Variants in CC2D2B observed in about 807,000 individuals in gnomAD.
CC2D2B encodes the protein coiled-coil and C2 domain containing 2B.
Under a neutral mutation model 161.2 loss-of-function variants are expected in CC2D2B, and 128 were observed. That is an observed-to-expected ratio of 0.79 (90% CI 0.69 to 0.92). The LOEUF (loss-of-function observed/expected upper bound fraction) is 0.92. Among genes scored for constraint, CC2D2B ranks in the 40% least tolerant of loss-of-function variants. The pLI, the probability that CC2D2B is intolerant of heterozygous loss-of-function variation, is 0.00. For synonymous variants in CC2D2B, 391 were observed against 449.8 expected, an observed-to-expected ratio of 0.87 and a Z score of 1.65; for missense variants, 1,173 against 1,375.1, an observed-to-expected ratio of 0.85 and a Z score of 2.32.
At chr10:95,955,588 A>G (rs2076543390) in intron 11 of CC2D2B, 97 bp downstream of exon 11, 1 of 394,128 alleles carries the variant, frequency 2.5e-6, no homozygotes, top group East Asian at 3.6e-5. Flanking sequence ...AAAGTACACA[A>G]TCCTTACTTT....
chr10:95,946,063 C>G (rs1031841125), intron 9 of CC2D2B, among the ~76,000 whole-genome samples: 1 of 152,064 alleles, frequency 6.6e-6, no homozygotes, highest in Non-Finnish European at 1.5e-5. Flanking sequence ...GGATTACAGG[C>G]GTGAGCCACC....
chr10:95,928,564 C>G (rs115561396), intron 6 of CC2D2B, among the ~76,000 whole-genome samples: 1 of 152,274 alleles, frequency 6.6e-6, no homozygotes, highest in African/African-American at 2.4e-5. Flanking sequence ...CCCTCGCCCC[C>G]ACCCCCTGAC....
At chr10:96,000,279 CG>C in intron 24 of CC2D2B, 1 of 1,040,442 alleles carries the variant, frequency 9.6e-7, no homozygotes, top group Non-Finnish European at 1.2e-6. Flanking sequence ...CTGCTCCAGC[CG>C]AAAGGATACT....
chr10:95,938,788 T>A lies in CC2D2B; in HGVS notation c.673-9T>A. On this transcript the variant is annotated splice_polypyrimidine_tract_variant and intron_variant, in intron 8 of 34. Transcript: ENST00000646931. ...ATATTTAATTACTATACTTAAATAT[T>A]TTTGATAGGGAAAATGTTGGTTTGG... 2.8e-6 allele frequency: 2 copies of A among 706,046 alleles called. No individual in the cohort carries two copies. 43.7% of individuals were successfully genotyped at this position (706,046 alleles called of 1,614,324 possible).
chr10:95,959,808 T>A (rs1267061035), intron 11 of CC2D2B, among the ~76,000 whole-genome samples: 1 of 152,168 alleles, frequency 6.6e-6, no homozygotes, highest in Non-Finnish European at 1.5e-5. Flanking sequence ...TGCAAAGTTA[T>A]GAAACACAGA....
chr10:95,913,137 T>C (rs940073410), intron 2 of CC2D2B, among the ~76,000 whole-genome samples: 1 of 143,230 alleles, frequency 7.0e-6, no homozygotes, highest in African/African-American at 2.5e-5. Flanking sequence ...CTGGAAACCA[T>C]CATTATACTC....
At chr10:96,025,911 G>T (rs752565714) in intron 33 of CC2D2B, among the ~76,000 whole-genome samples, 3 of 152,034 alleles carry the variant, frequency 2.0e-5, no homozygotes, top group Non-Finnish European at 4.4e-5. Flanking sequence ...TCTCCCCCCA[G>T]CCCCCCAGCT....
chr10:96,016,487 A>G (rs1386429483), intron 30 of CC2D2B, among the ~76,000 whole-genome samples, 173 bp downstream of exon 30: 1 of 152,224 alleles, frequency 6.6e-6, no homozygotes, highest in Non-Finnish European at 1.5e-5. Flanking sequence ...AATTTTTACA[A>G]TGTAAAGACT....
At chr10:95,997,164 A>G (rs2078263356) in intron 24 of CC2D2B, among the ~76,000 whole-genome samples, 1 of 152,192 alleles carries the variant, frequency 6.6e-6, no homozygotes, top group African/African-American at 2.4e-5. Context: ...GAACTAAGAC[A>G]TTGTTATTTT....
intron 2 of CC2D2B, among the ~76,000 whole-genome samples, chr10:95,918,105 T>C (rs2098520032): frequency 6.6e-6 from 1 of 152,166 alleles, no homozygotes; most frequent in East Asian, 1.9e-4. Flanking sequence ...TTATTTTTGA[T>C]AGGTTCAACT....
At chr10:95,978,747 T>A (rs1031304076) in intron 17 of CC2D2B, among the ~76,000 whole-genome samples, 2 of 152,244 alleles carry the variant, frequency 1.3e-5, no homozygotes, top group Non-Finnish European at 2.9e-5. Flanking sequence ...GCATCCTGGG[T>A]GAATTTCTGC....
chr10:95,922,243 G>A (rs1245470434), intron 3 of CC2D2B, among the ~76,000 whole-genome samples, 167 bp downstream of exon 3: 1 of 152,194 alleles, frequency 6.6e-6, no homozygotes, highest in Non-Finnish European at 1.5e-5. Flanking sequence ...TAAGGAAATA[G>A]AAAAGTCAAT....
Position 95,938,171 on chromosome 10 carries a change from G to A in CC2D2B, c.517G>A (p.Val173Ile). The A allele has an allele frequency of 6.5e-7, 1 of 1,547,080 alleles. No homozygotes were observed. Among genetic ancestry groups the A allele is most frequent in the Non-Finnish European group, 8.7e-7 (1 of 1,143,750 alleles). Residue 173 changes from valine (V) to isoleucine (I), a missense_variant, in exon 7 of 35, where the codon GTA becomes ATA. By Grantham distance (29) the Val-to-Ile change is conservative. This residue lies in a region of CC2D2B where 298 missense variants were observed against 261.2 expected (regional missense o/e 1.14). Transcript: ENST00000646931. ...QIKKQKANIF[V>I]PSSSPVVNQR... ...AAAAAAACAGAAGGCAAATATTTTT[G>A]TACCAAGTAGTTCTCCAGGTAACAT...
intron 2 of CC2D2B, among the ~76,000 whole-genome samples, chr10:95,918,705 G>GTC (rs1388096937): frequency 6.6e-6 from 1 of 152,214 alleles, no homozygotes; most frequent in South Asian, 2.1e-4. Flanking sequence ...TTCTACTCCA[G>GTC]TCTCTCTCTC....
chr10:95,988,043 AT>A (rs2141641319), intron 19 of CC2D2B, among the ~76,000 whole-genome samples: 1 of 152,340 alleles, frequency 6.6e-6, no homozygotes, highest in Non-Finnish European at 1.5e-5. Flanking sequence ...ATGGACTTCA[AT>A]CTAGACCCAA....
At chr10:95,951,808 T>C (rs2076410368) in intron 10 of CC2D2B, among the ~76,000 whole-genome samples, 1 of 152,194 alleles carries the variant, frequency 6.6e-6, no homozygotes. Context: ...CTGCATAAAA[T>C]AAAAACTTTT....
At chr10:95,999,388 G>C (rs190183680) in intron 24 of CC2D2B, among the ~76,000 whole-genome samples, 1 of 151,666 alleles carries the variant, frequency 6.6e-6, no homozygotes, top group African/African-American at 2.4e-5. Context: ...TCTTTCCATA[G>C]GTTCATTGGT....
intron 10 of CC2D2B, among the ~76,000 whole-genome samples, chr10:95,952,661 G>A (rs1564613876): frequency 6.6e-6 from 1 of 151,948 alleles, no homozygotes; most frequent in Non-Finnish European, 1.5e-5. Context: ...GACTACAGGT[G>A]TGCACCACCA....
At chr10:95,993,032 C>G (rs979855897) in intron 22 of CC2D2B, 1 of 170,092 alleles carries the variant, frequency 5.9e-6, no homozygotes, top group Admixed American at 6.4e-5. Context: ...CTGCCCTATT[C>G]CATGCCACTG....
Sources: gnomAD v4.1 joint callset for allele counts (sites outside exome capture counted in the v4.1 genomes callset) on GRCh38, gnomAD v4.1.1 for gene constraint, gnomAD v4.1.1 regional missense constraint, MANE v1.5 for transcripts, NCBI Gene and HGNC (gene_info 2026-07-23, HGNC 2026-07-21) for gene names.